NTM: variants seen among roughly 807,000 people sequenced by gnomAD.
NTM encodes IgLON family member 2.
A neutral mutation model predicts 42.1 loss-of-function variants in NTM; 13 were observed. That is an observed-to-expected ratio of 0.31 (90% CI 0.20 to 0.49). The LOEUF (loss-of-function observed/expected upper bound fraction) is 0.49. Among genes scored for constraint, NTM ranks in the 20% least tolerant of loss-of-function variants. The pLI is 0.99. For missense variants in NTM, 373 were observed against 452.8 expected (o/e 0.82, Z 1.60); for synonymous variants, 187 against 179.2 (o/e 1.04, Z -0.35).
intron 7 of NTM, among the ~76,000 whole-genome samples, chr11:132,321,567 G>C (rs1019098472): frequency 3.9e-5 from 6 of 152,194 alleles, no homozygotes; most frequent in Non-Finnish European, 7.3e-5. Context: ...GTACCTGAAA[G>C]TGATGGGAAG....
intron 1 of NTM, among the ~76,000 whole-genome samples, chr11:131,483,785 A>G (rs1028053401): frequency 1.3e-5 from 2 of 152,234 alleles, no homozygotes; most frequent in African/African-American, 4.8e-5. Flanking sequence ...CTTTGGACCC[A>G]ACAAAAGGGC....
At chr11:132,201,234 T>G (rs1459959437) in intron 3 of NTM, among the ~76,000 whole-genome samples, 1 of 152,192 alleles carries the variant, frequency 6.6e-6, no homozygotes, top group Non-Finnish European at 1.5e-5. Flanking sequence ...CCTAATGGAA[T>G]GGGGTCTTGT....
intron 3 of NTM, among the ~76,000 whole-genome samples, chr11:132,191,478 C>T (rs550831672): frequency 7.9e-5 from 12 of 152,282 alleles, no homozygotes; most frequent in East Asian, 5.8e-4. Context: ...CAGCTTGCAT[C>T]GCAGTCAAGC....
intron 1 of NTM, among the ~76,000 whole-genome samples, chr11:131,528,022 C>G (rs918072925): frequency 6.6e-6 from 1 of 152,200 alleles, no homozygotes; most frequent in South Asian, 2.1e-4. Context: ...TTCAAGTTTT[C>G]AGATGAGAAA....
rs185327271 is a variant in NTM, at chr11:131,665,017, C to T, written c.83-246547C>T. On this transcript the variant is annotated intron_variant, in intron 1 of 8. Coordinates refer to ENST00000683400, the MANE Select transcript of NTM (RefSeq NM_001352005.2). ...CCCGCGGAACTGCTTCCTGCAGCCA[C>T]GGATGGGTACCCACCAAGCCTTAGG... Among the ~76,000 whole-genome samples, 62 of 152,248 alleles carry T rather than the reference C, an allele frequency of 4.1e-4. No homozygotes were observed. The East Asian group carries it at 0.011, about 26-fold the overall frequency.
chr11:132,078,641 T>C (rs2058660793), intron 2 of NTM, among the ~76,000 whole-genome samples: 1 of 152,228 alleles, frequency 6.6e-6, no homozygotes, highest in South Asian at 2.1e-4. Flanking sequence ...AAGATGTCTC[T>C]AGACATTTTT....
chr11:132,222,159 C>A (rs1008401190), intron 4 of NTM, among the ~76,000 whole-genome samples: 2 of 152,166 alleles, frequency 1.3e-5, no homozygotes, highest in Admixed American at 6.5e-5. Flanking sequence ...AGATGAGCAC[C>A]TCAGTGGCAA....
intron 2 of NTM, among the ~76,000 whole-genome samples, chr11:132,065,237 C>T (rs950770444): frequency 2.6e-5 from 4 of 151,380 alleles, no homozygotes; most frequent in Non-Finnish European, 5.9e-5. Context: ...TGTAGATGTC[C>T]TTTCTGGAAC....
intron 2 of NTM, among the ~76,000 whole-genome samples, chr11:132,069,316 C>A (rs1335212593): frequency 2.5e-4 from 38 of 149,740 alleles, no homozygotes; most frequent in Non-Finnish European, 4.9e-4. Context: ...CTGACCATCA[C>A]AGGTTAGTTA....
chr11:131,450,994 C>A (rs1950441784), intron 1 of NTM, among the ~76,000 whole-genome samples: 1 of 152,028 alleles, frequency 6.6e-6, no homozygotes, highest in Non-Finnish European at 1.5e-5. Flanking sequence ...CTCTCTTGGA[C>A]AAGTTATGCC....
intron 3 of NTM, among the ~76,000 whole-genome samples, chr11:132,202,710 C>G (rs1452743260): frequency 6.6e-6 from 1 of 152,194 alleles, no homozygotes; most frequent in East Asian, 1.9e-4. Flanking sequence ...ATGGACTGCA[C>G]TCTCTTATGT....
rs567537236 is a variant in NTM at position 131,778,107 on chromosome 11, A to G, written c.83-133457A>G. Among the ~76,000 whole-genome samples the G allele has an allele frequency of 5.3e-5, 8 of 152,338 alleles. No homozygotes were observed. In the East Asian group the frequency reaches 1.5e-3, roughly 29 times the overall value. On this transcript the variant is annotated intron_variant, in intron 1 of 8. Transcript: ENST00000683400. The stretch of plus-strand genomic sequence containing the variant: ...AGTTTAACCCCACTCAATACATAGG[A>G]TGAAAAGGTAAACCTGGGCTGTTCA...
intron 2 of NTM, among the ~76,000 whole-genome samples, chr11:131,985,158 T>C (rs914430025): frequency 4.6e-5 from 7 of 152,168 alleles, no homozygotes; most frequent in African/African-American, 1.7e-4. Flanking sequence ...GAGTAATCAA[T>C]CCCAGAAACG....
At chr11:132,001,797 C>T (rs1439104685) in intron 2 of NTM, among the ~76,000 whole-genome samples, 1 of 151,908 alleles carries the variant, frequency 6.6e-6, no homozygotes, top group Non-Finnish European at 1.5e-5. Context: ...CACACACACA[C>T]ACATACACAC....
chr11:131,396,073 G>T (rs1394931295), intron 1 of NTM, among the ~76,000 whole-genome samples: 1 of 152,124 alleles, frequency 6.6e-6, no homozygotes, highest in Admixed American at 6.5e-5. Context: ...TTCATGCAAT[G>T]TCCCAGCACT....
chr11:131,756,023 C>T (rs1166805731), intron 1 of NTM, among the ~76,000 whole-genome samples: 1 of 152,184 alleles, frequency 6.6e-6, no homozygotes, highest in Non-Finnish European at 1.5e-5. Flanking sequence ...AATTGTGAGG[C>T]CTGGACAGGA....
intron 1 of NTM, among the ~76,000 whole-genome samples, chr11:131,691,555 A>G (rs2074720947): frequency 7.3e-6 from 1 of 136,414 alleles, no homozygotes; most frequent in African/African-American, 3.1e-5. Context: ...GTCTTCCCTG[A>G]AAGCCCCCCC....
At chr11:132,161,372 T>A (rs1388594550) in intron 3 of NTM, among the ~76,000 whole-genome samples, 28 of 9,074 alleles carry the variant, frequency 3.1e-3, no homozygotes, top group Non-Finnish European at 7.0e-3. Context: ...TCGAGCAGCT[T>A]TTTTTTTTTT....
At chr11:131,424,889 AT>A (rs200410429) in intron 1 of NTM, among the ~76,000 whole-genome samples, 9,179 of 127,060 alleles carry the variant, frequency 0.072, 368 homozygotes, top group Non-Finnish European at 0.1. Context: ...TTATTTTTTT[AT>A]TTTTTTTGAG....
Sources: allele counts gnomAD v4.1 joint callset (sites outside exome capture counted in the v4.1 genomes callset), GRCh38; gene constraint gnomAD v4.1.1; transcripts MANE v1.5; gene names NCBI Gene and HGNC (gene_info 2026-07-23, HGNC 2026-07-21).